The following WNK1 variants were observed in gnomAD, a reference collection of about 807,000 sequenced individuals.
WNK1 encodes the protein serine/threonine-protein kinase WNK1.
A neutral mutation model predicts 222.8 loss-of-function variants in WNK1; 38 were observed. The observed-to-expected ratio is 0.17, with a 90% CI of 0.13 to 0.22. The LOEUF (loss-of-function observed/expected upper bound fraction) is 0.22, where lower values mean the gene tolerates loss of function less well. Among genes scored for constraint, WNK1 ranks in the 10% least tolerant of loss-of-function variants. WNK1 has a pLI of 1.00. For synonymous variants in WNK1, 1,090 were observed against 1,092.9 expected (o/e 1.00, Z 0.05); for missense variants, 2,348 against 2,918.4 (o/e 0.80, Z 4.50).
chr12:797,230 G>A (rs908112842), intron 1 of WNK1, among the ~76,000 whole-genome samples: 28 of 152,032 alleles, frequency 1.8e-4, no homozygotes, highest in African/African-American at 6.5e-4. Context: ...TAATGATTGT[G>A]TCATTCTTAC....
chr12:847,460 G>T (rs890837802), intron 4 of WNK1, among the ~76,000 whole-genome samples: 29 of 152,170 alleles, frequency 1.9e-4, no homozygotes, highest in African/African-American at 7.0e-4. Context: ...ATTCTTGTTG[G>T]TAGAAGTGTT....
intron 2 of WNK1, among the ~76,000 whole-genome samples, chr12:814,998 C>T (rs548167176): frequency 6.6e-6 from 1 of 152,172 alleles, no homozygotes; most frequent in Non-Finnish European, 1.5e-5. Context: ...GCACAGTTCA[C>T]AGTAGGGTTC....
In WNK1 at chr12:908,857, G is replaced by GT; in HGVS notation, c.*66dup. The GT allele has an allele frequency of 2.5e-6, 3 of 1,185,788 alleles. No individual in the cohort carries two copies. Among genetic ancestry groups the GT allele is most frequent in the Non-Finnish European group, 1.2e-6 (1 of 812,930 alleles). The allele number at this position is 1,185,788 out of a possible 1,614,324, so 73.5% of individuals were successfully genotyped here. On this transcript the variant is annotated 3_prime_UTR_variant, in exon 28 of 28. Transcript: ENST00000315939. ...TGGAATGCTGAGGGGGTGGGTGGGGGTGGGAAGTAGCCTATATACTAACTA... is the reference window on the plus strand; with the variant it reads ...TGGAATGCTGAGGGGGTGGGTGGGGGTTGGGAAGTAGCCTATATACTAACTA...
intron 1 of WNK1, among the ~76,000 whole-genome samples, chr12:794,560 G>A (rs1265830222): frequency 6.6e-6 from 1 of 150,852 alleles, no homozygotes; most frequent in African/African-American, 2.4e-5. Flanking sequence ...CTGTGTCTAT[G>A]GAGATAATCG....
intron 26 of WNK1, among the ~76,000 whole-genome samples, chr12:907,024 TAAA>T (rs67823034): frequency 6.3e-5 from 3 of 47,422 alleles, no homozygotes; most frequent in Non-Finnish European, 1.0e-4. Flanking sequence ...ACCCTTCCTT[TAAA>T]AAAAAAAAAA....
intron 1 of WNK1, among the ~76,000 whole-genome samples, chr12:804,416 G>GTT (rs1190236230): frequency 9.0e-5 from 13 of 144,366 alleles, no homozygotes; most frequent in Admixed American, 2.1e-4. Flanking sequence ...CAAACTGAAA[G>GTT]TTTTTTTTTT....
intron 14 of WNK1, among the ~76,000 whole-genome samples, chr12:882,718 T>C (rs1209827244): frequency 1.3e-5 from 2 of 152,246 alleles, no homozygotes; most frequent in Non-Finnish European, 2.9e-5. Flanking sequence ...ACTTATCTTT[T>C]AGAAAAAGAA....
intron 8 of WNK1, among the ~76,000 whole-genome samples, chr12:866,561 A>G (rs1039052612): frequency 1.3e-5 from 2 of 151,948 alleles, no homozygotes; most frequent in African/African-American, 2.4e-5. Context: ...GGGTTTCACC[A>G]TGTTTGGCCA....
intron 2 of WNK1, among the ~76,000 whole-genome samples, chr12:816,730 G>C (rs1420366728): frequency 2.6e-5 from 4 of 152,190 alleles, no homozygotes; most frequent in African/African-American, 9.6e-5. Flanking sequence ...CATTTTCACA[G>C]TTCCTTGGTC....
rs1274017950 is a variant in WNK1 at position 882,044 on chromosome 12, A to G, written c.3343A>G (p.Thr1115Ala). The G allele has an allele frequency of 6.2e-7, 1 of 1,613,774 alleles. No homozygotes were observed. The highest frequency in any genetic ancestry group is 1.7e-4 in the Middle Eastern group (1 of 6,060). ...SVRSRSRHEK[T>A]SRPKLRILNV... ...AAGGAGTCGCTCTCGACATGAAAAA[A>G]CTTCACGCCCAAAATTAAGAATTTT... Residue 1115 changes from threonine (T) to alanine (A), a missense_variant, in exon 14 of 28, where the codon ACT becomes GCT. Coordinates refer to ENST00000315939, the MANE Select transcript of WNK1 (RefSeq NM_018979.4).
At chr12:787,845 G>A (rs1047433347) in intron 1 of WNK1, among the ~76,000 whole-genome samples, 5 of 152,076 alleles carry the variant, frequency 3.3e-5, no homozygotes, top group Non-Finnish European at 7.4e-5. Context: ...GTGTGTGTGC[G>A]TGTGTGTGTA....
chr12:879,535 T>G, intron 10 of WNK1, 38 bp from the exon 11 acceptor site: 1 of 1,173,488 alleles, frequency 8.5e-7, no homozygotes, highest in Non-Finnish European at 1.2e-6. Context: ...TTTTTTTTTT[T>G]TTAAGCCTGT....
chr12:894,971 G>C (rs915914552), intron 23 of WNK1, among the ~76,000 whole-genome samples: 2 of 152,054 alleles, frequency 1.3e-5, no homozygotes, highest in African/African-American at 4.8e-5. Context: ...AAATGTTACA[G>C]CTTTTTTTCC....
chr12:895,941 A>G (rs1212317064), intron 23 of WNK1, 130 bp from the exon 24 acceptor site: 3 of 1,220,904 alleles, frequency 2.5e-6, no homozygotes, highest in Non-Finnish European at 2.3e-6. Context: ...TGGAGGCGCT[A>G]TGTAAAGAGA....
At chr12:801,334 G>A (rs1255087583) in intron 1 of WNK1, among the ~76,000 whole-genome samples, 2 of 152,152 alleles carry the variant, frequency 1.3e-5, no homozygotes, top group African/African-American at 4.8e-5. Flanking sequence ...TTGCTTAGCA[G>A]CGTTGAAAAT....
chr12:768,314 TTAG>T (rs1942031069), intron 1 of WNK1, among the ~76,000 whole-genome samples: 1 of 152,162 alleles, frequency 6.6e-6, no homozygotes, highest in Non-Finnish European at 1.5e-5. Flanking sequence ...TTTTATATTT[TTAG>T]TAGAGACGGG....
intron 4 of WNK1, among the ~76,000 whole-genome samples, chr12:844,919 G>A (rs1194073397): frequency 3.0e-5 from 4 of 133,192 alleles, no homozygotes; most frequent in Non-Finnish European, 3.1e-5. Context: ...TTTTTGAGAC[G>A]GAGTCTCGCT....
chr12:908,340 A>G, intron 27 of WNK1, 135 bp from the exon 28 acceptor site: 1 of 979,222 alleles, frequency 1.0e-6, no homozygotes. Context: ...TACTTGGTAA[A>G]TATAAAGAGC....
At chr12:850,692 T>G (rs1049053090) in intron 4 of WNK1, among the ~76,000 whole-genome samples, 6 of 152,284 alleles carry the variant, frequency 3.9e-5, no homozygotes, top group African/African-American at 1.4e-4. Flanking sequence ...CTAGGGTTTT[T>G]ATGGTTTTAG....
Sources: gnomAD v4.1 joint callset for allele counts (sites outside exome capture counted in the v4.1 genomes callset) on GRCh38, gnomAD v4.1.1 for gene constraint, MANE v1.5 for transcripts, NCBI Gene and HGNC (gene_info 2026-07-23, HGNC 2026-07-21) for gene names.